CNTLN: variants seen among roughly 807,000 people sequenced by gnomAD.
CNTLN encodes the protein centlein, also known as centlein, centrosomal protein.
CNTLN carries 212 observed loss-of-function variants against 180.0 expected under a neutral mutation model. The observed-to-expected ratio is 1.18, with a 90% confidence interval of 1.05 to 1.32. CNTLN has a LOEUF of 1.32. Among genes scored for constraint, CNTLN ranks in the 40% most tolerant of loss-of-function variants. CNTLN has a pLI of 0.00. For missense variants in CNTLN, 2,095 were observed against 1,610.9 expected, an observed-to-expected ratio of 1.30 and a Z score of -5.14; for synonymous variants, 722 against 563.1, an observed-to-expected ratio of 1.28 and a Z score of -3.99.
chr9:17,401,814 TTAA>T (rs34064391), intron 15 of CNTLN, among the ~76,000 whole-genome samples: 62,364 of 151,348 alleles, frequency 0.41, 15,872 homozygotes, highest in Non-Finnish European at 0.55. Context: ...TGAAAAAGCG[TTAA>T]TAGAACTTTA....
chr9:17,287,536 A>T (rs1487488856), intron 6 of CNTLN, among the ~76,000 whole-genome samples: 1 of 151,038 alleles, frequency 6.6e-6, no homozygotes, highest in East Asian at 1.9e-4. Context: ...TGAGTTTGGG[A>T]GGATTCCCTC....
intron 7 of CNTLN, among the ~76,000 whole-genome samples, chr9:17,304,999 C>G (rs1350585314): frequency 1.3e-5 from 2 of 151,968 alleles, no homozygotes; most frequent in Non-Finnish European, 2.9e-5. Context: ...GATTTCAATT[C>G]TTAAACAAAT....
intron 18 of CNTLN, among the ~76,000 whole-genome samples, chr9:17,428,950 G>C (rs1829250512): frequency 6.6e-6 from 1 of 151,704 alleles, no homozygotes; most frequent in Non-Finnish European, 1.5e-5. Context: ...ATTTATTCCA[G>C]CTCATTCCTT....
At chr9:17,287,672 C>CCA (rs1442574928) in intron 6 of CNTLN, among the ~76,000 whole-genome samples, 5 of 147,588 alleles carry the variant, frequency 3.4e-5, no homozygotes, top group South Asian at 4.5e-4. Context: ...TCGATTATTG[C>CCA]CACAATTTCA....
At chr9:17,359,582 C>G (rs137911447) in intron 12 of CNTLN, among the ~76,000 whole-genome samples, 1 of 151,206 alleles carries the variant, frequency 6.6e-6, no homozygotes, top group African/African-American at 2.4e-5. Context: ...ACAGATATTT[C>G]ACATAAGAGG....
At chr9:17,334,989 G>A (rs542525957) in intron 10 of CNTLN, among the ~76,000 whole-genome samples, 2 of 151,642 alleles carry the variant, frequency 1.3e-5, no homozygotes, top group Admixed American at 1.3e-4. Context: ...TCCAGTTTGA[G>A]CCCAAAAACT....
intron 2 of CNTLN, among the ~76,000 whole-genome samples, chr9:17,151,596 A>G (rs914621989): frequency 3.9e-5 from 6 of 152,196 alleles, no homozygotes; most frequent in Non-Finnish European, 5.9e-5. Flanking sequence ...ATTGATGTTC[A>G]TCAGGGATAT....
At chr9:17,383,296 A>C (rs1262656366) in intron 13 of CNTLN, among the ~76,000 whole-genome samples, 1 of 152,014 alleles carries the variant, frequency 6.6e-6, no homozygotes, top group Non-Finnish European at 1.5e-5. Flanking sequence ...TGAGAGGCTG[A>C]GGCAGGTGAA....
chr9:17,219,135 A>C (rs554736104), intron 2 of CNTLN, among the ~76,000 whole-genome samples: 1 of 152,264 alleles, frequency 6.6e-6, no homozygotes, highest in South Asian at 2.1e-4. Flanking sequence ...AGAAGTCGGC[A>C]AATATTCTTC....
At chr9:17,241,176 T>G (rs150495368) in intron 5 of CNTLN, among the ~76,000 whole-genome samples, 1,845 of 152,256 alleles carry the variant, frequency 0.012, 43 homozygotes, top group African/African-American at 0.042. Context: ...TTTCTTTTAG[T>G]AGCTTCACAG....
At chr9:17,440,933 G>C (rs554580626) in intron 18 of CNTLN, among the ~76,000 whole-genome samples, 2 of 152,318 alleles carry the variant, frequency 1.3e-5, no homozygotes, top group East Asian at 1.9e-4. Context: ...ACTAGAGCCA[G>C]GGATGGGAAA....
chr9:17,286,620 G>T (rs201434415), intron 6 of CNTLN, among the ~76,000 whole-genome samples: 5 of 118,258 alleles, frequency 4.2e-5, no homozygotes, highest in Admixed American at 8.3e-5. Context: ...TCACGATATT[G>T]ATTCTTCCTA....
intron 25 of CNTLN, among the ~76,000 whole-genome samples, chr9:17,493,428 G>A (rs1225337657): frequency 1.3e-5 from 2 of 152,006 alleles, no homozygotes; most frequent in Non-Finnish European, 2.9e-5. Flanking sequence ...CAAGTTCCTT[G>A]AGAGCACAGT....
At chr9:17,450,858 A>T (rs977625228) in intron 18 of CNTLN, among the ~76,000 whole-genome samples, 2 of 152,114 alleles carry the variant, frequency 1.3e-5, no homozygotes, top group East Asian at 3.9e-4. Flanking sequence ...TTAATTTTTA[A>T]TTCTTTCTCT....
chr9:17,523,105 C>T, the CNTLN span, among the ~76,000 whole-genome samples: 1 of 152,150 alleles, frequency 6.6e-6, no homozygotes, highest in Admixed American at 6.5e-5. Context: ...TTCATCACCA[C>T]CAGAGAGCAC....
At chr9:17,469,872 A>AT (rs1327526490) in intron 23 of CNTLN, among the ~76,000 whole-genome samples, 1 of 151,922 alleles carries the variant, frequency 6.6e-6, no homozygotes, top group Non-Finnish European at 1.5e-5. Context: ...ATCGTGACTG[A>AT]TTCCTTGTGC....
Position 17,178,648 on chromosome 9 carries a change from C to T in CNTLN, c.449+35272C>T, listed in dbSNP as rs953362559. Among the ~76,000 whole-genome samples the T allele has an allele frequency of 4.1e-4, 62 of 152,044 alleles. 1 individual carries two copies. Among genetic ancestry groups the T allele is most frequent in the Admixed American group, 6.5e-4 (10 of 15,280 alleles). On this transcript the variant is annotated intron_variant, in intron 2 of 25. Coordinates refer to ENST00000380647, the MANE Select transcript of CNTLN (RefSeq NM_017738.4). ...CCCAGGTGCTAAGCCCCTCACTGCC[C>T]GGGGCCTGCCGGCTGGCCGGCCGCT...
At chr9:17,474,260 C>G (rs1832207621) in intron 23 of CNTLN, among the ~76,000 whole-genome samples, 1 of 152,008 alleles carries the variant, frequency 6.6e-6, no homozygotes, top group African/African-American at 2.4e-5. Flanking sequence ...TTAACATGTA[C>G]AAAAAAGTTG....
At chr9:17,450,898 T>C (rs1435012990) in intron 18 of CNTLN, among the ~76,000 whole-genome samples, 2 of 152,234 alleles carry the variant, frequency 1.3e-5, no homozygotes, top group East Asian at 1.9e-4. Flanking sequence ...AACAAGAAAA[T>C]TAATGTTTTA....
Sources: gnomAD v4.1 joint callset for allele counts (sites outside exome capture counted in the v4.1 genomes callset) on GRCh38, gnomAD v4.1.1 for gene constraint, MANE v1.5 for transcripts, NCBI Gene and HGNC (gene_info 2026-07-23, HGNC 2026-07-21) for gene names.